Variants in PCSK6 observed in about 807,000 individuals in gnomAD.
PCSK6 encodes the protein proprotein convertase subtilisin/kexin type 6.
Under a neutral mutation model 123.3 loss-of-function variants are expected in PCSK6, and 85 were observed. The observed-to-expected ratio is 0.69, with a 90% CI of 0.58 to 0.83. The LOEUF (loss-of-function observed/expected upper bound fraction) is 0.83. Among genes scored for constraint, PCSK6 ranks in the 40% least tolerant of loss-of-function variants. The pLI is 0.00. For synonymous variants in PCSK6, 508 were observed against 516.0 expected, an observed-to-expected ratio of 0.98 and a Z score of 0.21; for missense variants, 1,191 against 1,282.3, an observed-to-expected ratio of 0.93 and a Z score of 1.09.
chr15:101,340,945 A>ATTT (rs34151107), intron 13 of PCSK6, among the ~76,000 whole-genome samples: 2 of 139,400 alleles, frequency 1.4e-5, no homozygotes, highest in African/African-American at 5.4e-5. Context: ...CTTCTCCCAA[A>ATTT]TTTTTTTTTT....
At chr15:101,473,979 C>T (rs746266724) in intron 1 of PCSK6, among the ~76,000 whole-genome samples, 11 of 152,174 alleles carry the variant, frequency 7.2e-5, no homozygotes, top group Non-Finnish European at 2.9e-5. Flanking sequence ...TTGTCTAAGC[C>T]TCTGAAACAA....
intron 1 of PCSK6, among the ~76,000 whole-genome samples, chr15:101,481,568 A>C (rs886297887): frequency 6.6e-6 from 1 of 152,142 alleles, no homozygotes. Flanking sequence ...AGGCAGGTAG[A>C]GGCCACAGAG....
chr15:101,373,830 T>G (rs1030416422), intron 11 of PCSK6, among the ~76,000 whole-genome samples: 1 of 152,262 alleles, frequency 6.6e-6, no homozygotes, highest in African/African-American at 2.4e-5. Flanking sequence ...ATCTTTCAAG[T>G]TAAACAATGT....
chr15:101,314,783 G>A (rs1415647589), intron 19 of PCSK6, among the ~76,000 whole-genome samples: 1 of 152,202 alleles, frequency 6.6e-6, no homozygotes, highest in Admixed American at 6.5e-5. Flanking sequence ...GAGGACCACC[G>A]TCTTCATGGC....
In PCSK6 at chr15:101,366,265, T is replaced by G. The variant is rs897167755; in HGVS notation, c.1789A>C (p.Lys597Gln). ...EFMTVHCWGE[K>Q]AEGQWTLEIQ... ...TCCAAGGTCCACTGCCCTTCAGCCT[T>G]TTCTCCCCAGCAGTGGACAGTCATG... The change falls in exon 13 of 22, where the codon AAG becomes CAG. Residue 597 changes from lysine to glutamine, a missense_variant. Coordinates refer to ENST00000611716, the MANE Select transcript of PCSK6 (RefSeq NM_002570.5). 6 of 1,613,740 alleles carry G rather than the reference T, an allele frequency of 3.7e-6. No individual in the cohort carries two copies. Among genetic ancestry groups the G allele is most frequent in the Non-Finnish European group, 5.1e-6 (6 of 1,179,780 alleles).
chr15:101,327,128 C>T (rs1335595044), intron 15 of PCSK6, among the ~76,000 whole-genome samples: 1 of 152,162 alleles, frequency 6.6e-6, no homozygotes, highest in Non-Finnish European at 1.5e-5. Flanking sequence ...AGGGCTGAGC[C>T]CCTTTCAGAA....
chr15:101,486,609 T>C (rs556042037), intron 1 of PCSK6, among the ~76,000 whole-genome samples: 1 of 152,362 alleles, frequency 6.6e-6, no homozygotes, highest in Non-Finnish European at 1.5e-5. Context: ...TGGTGATGCA[T>C]ATTTTACAAT....
At chr15:101,476,946 C>G (rs1177426421) in intron 1 of PCSK6, among the ~76,000 whole-genome samples, 1 of 152,166 alleles carries the variant, frequency 6.6e-6, no homozygotes, top group Admixed American at 6.5e-5. Context: ...GACGCCATAA[C>G]CAGGGACCCA....
At chr15:101,348,109 C>A (rs184369782) in intron 13 of PCSK6, among the ~76,000 whole-genome samples, 4 of 152,354 alleles carry the variant, frequency 2.6e-5, no homozygotes, top group African/African-American at 4.8e-5. Flanking sequence ...TGATACCAAG[C>A]CTCACCTGGA....
At chr15:101,474,229 A>G (rs2057672558) in intron 1 of PCSK6, among the ~76,000 whole-genome samples, 2 of 152,214 alleles carry the variant, frequency 1.3e-5, no homozygotes, top group South Asian at 4.1e-4. Flanking sequence ...ACTGAATTCA[A>G]TGGCGGCCAA....
At chr15:101,412,751 A>T (rs2141064342) in intron 6 of PCSK6, among the ~76,000 whole-genome samples, 1 of 150,060 alleles carries the variant, frequency 6.7e-6, no homozygotes, top group Middle Eastern at 3.4e-3. Context: ...AAAAAAATTT[A>T]AAAATATGAA....
At chr15:101,431,043 A>G (rs2056430118) in intron 4 of PCSK6, among the ~76,000 whole-genome samples, 1 of 152,250 alleles carries the variant, frequency 6.6e-6, no homozygotes, top group South Asian at 2.1e-4. Context: ...TACGCTGATG[A>G]TCCCCCTCCA....
chr15:101,312,561 T>G (rs974766376), intron 20 of PCSK6, among the ~76,000 whole-genome samples: 6 of 152,224 alleles, frequency 3.9e-5, no homozygotes, highest in African/African-American at 1.2e-4. Flanking sequence ...CCAGGTGTGG[T>G]GGCTCACACC....
At position 101,305,201 on chromosome 15, in the gene PCSK6, G is replaced by A; in HGVS notation, c.*57C>T. 5.0e-6 allele frequency: 7 copies of A among 1,400,534 alleles called. No homozygotes were observed. The South Asian group carries it at 7.2e-5, about 14-fold the overall frequency. 86.8% of individuals were successfully genotyped at this position (1,400,534 alleles called of 1,614,324 possible). ...ACAGACTCTGGCCGACAGTCTGGAG[G>A]AAGGTGGACGGATGGATGGATGGGA... On this transcript the variant is annotated 3_prime_UTR_variant, in exon 22 of 22. Coordinates refer to ENST00000611716, the MANE Select transcript of PCSK6 (RefSeq NM_002570.5). The surrounding 1 kb of genome is among the most constrained non-coding windows in gnomAD (Gnocchi z 4.8).
At chr15:101,394,137 G>GTTTTTTTTT (rs1444048837) in intron 7 of PCSK6, among the ~76,000 whole-genome samples, 15 of 89,566 alleles carry the variant, frequency 1.7e-4, no homozygotes, top group South Asian at 2.9e-4. Flanking sequence ...CCGTTTTTTT[G>GTTTTTTTTT]TTTTTTGTTT....
intron 1 of PCSK6, among the ~76,000 whole-genome samples, chr15:101,477,003 C>T (rs1295515890): frequency 6.6e-6 from 1 of 152,100 alleles, no homozygotes; most frequent in Admixed American, 6.5e-5. Flanking sequence ...CCTCTTCCAC[C>T]TCCCTGCACG....
chr15:101,307,363 G>A, intron 20 of PCSK6, 38 bp from the exon 21 acceptor site: 1 of 1,493,324 alleles, frequency 6.7e-7, no homozygotes, highest in Non-Finnish European at 9.2e-7. Context: ...GTCTGGGGAA[G>A]AGGCTCCACC....
rs1175944374 is a variant in PCSK6 at position 101,489,388 on chromosome 15, G to A, written c.283C>T (p.Leu95Phe). 6.3e-6 allele frequency: 8 copies of A among 1,260,192 alleles called. No individual in the cohort carries two copies. The highest frequency in any genetic ancestry group is 8.1e-6 in the Non-Finnish European group (8 of 989,412). The allele number at this position is 1,260,192 out of a possible 1,614,324, so 78.1% of individuals were successfully genotyped here. Residue 95 changes from leucine (L) to phenylalanine (F), a missense_variant, in exon 1 of 22, where the codon CTC (leucine) becomes TTC (phenylalanine). Around this residue, in one of 3 missense-constraint regions of PCSK6, gnomAD observed 204 missense variants for 166.4 expected, o/e 1.23. Coordinates refer to ENST00000611716, the MANE Select transcript of PCSK6 (RefSeq NM_002570.5). ...GCCGCACTCACCTGGCCCAAGTTGAGGTACCCGTGCGCCGCCGCCACGCGG... is the reference window on the plus strand; with the variant it reads ...GCCGCACTCACCTGGCCCAAGTTGAAGTACCCGTGCGCCGCCGCCACGCGG... Reference protein sequence around the residue: ...ADRVAAAHGYLNLGQIGNLED... With the variant: ...ADRVAAAHGYFNLGQIGNLED...
chr15:101,399,355 G>A lies in PCSK6; in HGVS notation c.824-779C>T, dbSNP rs147025399. ...CTTTCAACCTGGAAGACAGAAGCCC[G>A]CACCCCAGGTTGCAATGGAGGGGAC... On this transcript the variant is annotated intron_variant, in intron 6 of 21. Coordinates refer to ENST00000611716, the MANE Select transcript of PCSK6 (RefSeq NM_002570.5). Among the ~76,000 whole-genome samples the A allele has an allele frequency of 2.2e-3, 330 of 152,264 alleles. 1 individual carries two copies. The highest frequency in any genetic ancestry group is 6.8e-3 in the Middle Eastern group (2 of 294).
Sources: gnomAD v4.1 joint callset for allele counts (sites outside exome capture counted in the v4.1 genomes callset) on GRCh38, gnomAD v4.1.1 for gene constraint, gnomAD v4.1.1 regional missense constraint, Gnocchi (gnomAD v3.1) non-coding constraint, MANE v1.5 for transcripts, NCBI Gene and HGNC (gene_info 2026-07-23, HGNC 2026-07-21) for gene names.